MPHOSPH6: variants seen among roughly 807,000 people sequenced by gnomAD.
MPHOSPH6 encodes the protein M-phase phosphoprotein 6.
A neutral mutation model predicts 21.8 loss-of-function variants in MPHOSPH6; 25 were observed. That is an observed-to-expected ratio of 1.15 (90% CI 0.83 to 1.60). The LOEUF (loss-of-function observed/expected upper bound fraction) is 1.60, where lower values mean the gene tolerates loss of function less well. MPHOSPH6 is among the 40% of genes most tolerant of loss of function. The pLI, the probability that MPHOSPH6 is intolerant of heterozygous loss-of-function variation, is 0.00. For synonymous variants in MPHOSPH6, 84 were observed against 56.5 expected, an observed-to-expected ratio of 1.49 and a Z score of -2.18; for missense variants, 269 against 181.8, an observed-to-expected ratio of 1.48 and a Z score of -2.76.
intron 1 of MPHOSPH6, among the ~76,000 whole-genome samples, chr16:82,166,353 C>G (rs1049205367): frequency 6.6e-6 from 1 of 152,230 alleles, no homozygotes; most frequent in African/African-American, 2.4e-5. Flanking sequence ...CTTCCCAGTC[C>G]TTTTGCCTTT....
At chr16:82,152,943 A>G (rs1389572988) in intron 2 of MPHOSPH6, among the ~76,000 whole-genome samples, 1 of 152,230 alleles carries the variant, frequency 6.6e-6, no homozygotes, top group Non-Finnish European at 1.5e-5. Context: ...TGTGTATTAA[A>G]TCAAACTGCG....
intron 2 of MPHOSPH6, among the ~76,000 whole-genome samples, chr16:82,153,399 C>T (rs1347825740): frequency 6.6e-6 from 1 of 152,100 alleles, no homozygotes; most frequent in Non-Finnish European, 1.5e-5. Flanking sequence ...AGAAGAAAAT[C>T]AAATGAAGTA....
At chr16:82,157,174 T>G (rs115533838) in intron 2 of MPHOSPH6, among the ~76,000 whole-genome samples, 2,276 of 152,216 alleles carry the variant, frequency 0.015, 59 homozygotes, top group African/African-American at 0.052. Context: ...GCCACTAGAA[T>G]AAAATTAAAA....
At chr16:82,159,309 TTAGG>T (rs1480346938) in intron 2 of MPHOSPH6, among the ~76,000 whole-genome samples, 3 of 152,218 alleles carry the variant, frequency 2.0e-5, no homozygotes, top group Non-Finnish European at 4.4e-5. Flanking sequence ...TAAAAATGTG[TTAGG>T]TAATGAATTT....
chr16:82,154,811 G>A (rs1209931452), intron 2 of MPHOSPH6, among the ~76,000 whole-genome samples: 1 of 152,108 alleles, frequency 6.6e-6, no homozygotes, highest in East Asian at 1.9e-4. Flanking sequence ...ATTTCACCAA[G>A]CATTTAAGGA....
chr16:82,157,674 C>T (rs1008373205), intron 2 of MPHOSPH6, among the ~76,000 whole-genome samples: 9 of 149,152 alleles, frequency 6.0e-5, no homozygotes, highest in Non-Finnish European at 1.3e-4. Flanking sequence ...ATACTGAGGG[C>T]AGACTAGAGG....
Position 82,157,297 on chromosome 16 carries a change from G to A in MPHOSPH6, c.165-5783C>T, listed in dbSNP as rs1033259556. On this transcript the variant is annotated intron_variant, in intron 2 of 4. Coordinates refer to ENST00000258169, the MANE Select transcript of MPHOSPH6 (RefSeq NM_005792.2). ...TGAATAGATATACCGTGGTGTATCTGTAAAATGAAATACCACTTAGCAACA... is the reference window on the plus strand; with the variant it reads ...TGAATAGATATACCGTGGTGTATCTATAAAATGAAATACCACTTAGCAACA... 2.0e-5 allele frequency among the ~76,000 whole-genome samples: 3 copies of A among 152,208 alleles called. 1 individual carries two copies. Among genetic ancestry groups the A allele is most frequent in the Non-Finnish European group, 4.4e-5 (3 of 68,042 alleles).
chr16:82,164,126 A>G lies in MPHOSPH6; in HGVS notation c.120T>C (p.Ser40=). Residue 40 remains serine, a synonymous_variant, in exon 2 of 5, where the codon AGT becomes AGC. Transcript: ENST00000258169. ...GCAAATCCAAGTACCAGTGCTCTTCACTAATGATTTTCTTTTCTTCTTCTT... is the reference window on the plus strand; with the variant it reads ...GCAAATCCAAGTACCAGTGCTCTTCGCTAATGATTTTCTTTTCTTCTTCTT... ...QLEEEEKKII[S]EEHWYLDLPE... The G allele has an allele frequency of 1.2e-6, 2 of 1,613,046 alleles. No individual in the cohort carries two copies. The highest frequency in any genetic ancestry group is 1.7e-6 in the Non-Finnish European group (2 of 1,179,960).
intron 2 of MPHOSPH6, among the ~76,000 whole-genome samples, chr16:82,154,275 A>G (rs1048527839): frequency 1.3e-5 from 2 of 152,242 alleles, no homozygotes; most frequent in Non-Finnish European, 2.9e-5. Context: ...TTAGGAGTAG[A>G]GACAATTTAG....
chr16:82,151,252 T>C (rs1022367963), intron 3 of MPHOSPH6, 172 bp downstream of exon 3: 2 of 878,102 alleles, frequency 2.3e-6, no homozygotes, highest in Non-Finnish European at 3.4e-6. Context: ...ACCATAAAAC[T>C]AGACTGCAAT....
chr16:82,149,402 T>TTCTCAACCTCAGGATTAAATCC lies in MPHOSPH6; in HGVS notation c.256_257insGGATTTAATCCTGAGGTTGAGA (p.Lys86ArgfsTer3). The stretch of plus-strand genomic sequence containing the variant: ...CTTAGCATTCATCTGAAGCATCAAT[T>TTCTCAACCTCAGGATTAAATCC]TCTGAAAAATACACCAGTGCTGACC... On this transcript the variant is annotated stop_gained and frameshift_variant and splice_region_variant, in exon 4 of 5. Coordinates refer to ENST00000258169, the MANE Select transcript of MPHOSPH6 (RefSeq NM_005792.2). LOFTEE classifies it high-confidence loss of function. 1 of 1,611,410 alleles carries TTCTCAACCTCAGGATTAAATCC rather than the reference T, an allele frequency of 6.2e-7. No homozygotes were observed. The highest frequency in any genetic ancestry group is 8.5e-7 in the Non-Finnish European group (1 of 1,179,910).
intron 2 of MPHOSPH6, among the ~76,000 whole-genome samples, chr16:82,155,073 T>A (rs1162028004): frequency 6.6e-6 from 1 of 152,194 alleles, no homozygotes; most frequent in Non-Finnish European, 1.5e-5. Flanking sequence ...AAGTCAATAG[T>A]TTTCAACACA....
At chr16:82,154,141 C>G (rs1167024020) in intron 2 of MPHOSPH6, among the ~76,000 whole-genome samples, 4 of 152,068 alleles carry the variant, frequency 2.6e-5, no homozygotes, top group African/African-American at 4.8e-5. Flanking sequence ...AAAAATTTAC[C>G]CTGCAATTGC....
At chr16:82,163,977 A>C (rs1906682727) in intron 2 of MPHOSPH6, 105 bp downstream of exon 2, 1 of 717,152 alleles carries the variant, frequency 1.4e-6, no homozygotes, top group African/African-American at 1.8e-5. Context: ...AACTGAACAG[A>C]AACAATTTCA....
At chr16:82,149,013 A>C in intron 4 of MPHOSPH6, 150 bp from the exon 5 acceptor site, 1 of 1,077,688 alleles carries the variant, frequency 9.3e-7, no homozygotes, top group Non-Finnish European at 1.3e-6. Context: ...ACAATTTATG[A>C]ACTTCTCTAA....
intron 1 of MPHOSPH6, among the ~76,000 whole-genome samples, chr16:82,165,641 C>G (rs1408353308): frequency 9.5e-6 from 1 of 104,758 alleles, no homozygotes; most frequent in Non-Finnish European, 2.2e-5. Context: ...TGTACCTTTT[C>G]TATATCTAGA....
intron 1 of MPHOSPH6, among the ~76,000 whole-genome samples, chr16:82,165,784 T>A (rs1050667174): frequency 6.6e-5 from 2 of 30,218 alleles, no homozygotes; most frequent in African/African-American, 1.1e-4. Flanking sequence ...GGCTATACCA[T>A]CCAGGTTTGC....
intron 1 of MPHOSPH6, among the ~76,000 whole-genome samples, chr16:82,167,068 C>G (rs374048185): frequency 6.6e-6 from 1 of 151,674 alleles, no homozygotes; most frequent in Non-Finnish European, 1.5e-5. Flanking sequence ...CATGGTCATT[C>G]GGTCTTGAAC....
intron 2 of MPHOSPH6, among the ~76,000 whole-genome samples, chr16:82,153,342 A>C (rs1298223434): frequency 6.6e-6 from 1 of 152,210 alleles, no homozygotes. Flanking sequence ...TAAAATGACC[A>C]TTTTCAGATA....
Sources: allele counts gnomAD v4.1 joint callset (sites outside exome capture counted in the v4.1 genomes callset), GRCh38; gene constraint gnomAD v4.1.1; transcripts MANE v1.5; gene names NCBI Gene and HGNC (gene_info 2026-07-23, HGNC 2026-07-21).